KATNA1: variants seen among roughly 807,000 people sequenced by gnomAD.
KATNA1 encodes the protein katanin p60 ATPase-containing subunit A1.
Under a neutral mutation model 62.6 loss-of-function variants are expected in KATNA1, and 42 were observed. That is an observed-to-expected ratio of 0.67 (90% CI 0.52 to 0.87). The LOEUF (loss-of-function observed/expected upper bound fraction) is 0.87. Ranked by LOEUF, KATNA1 falls within the 40% of genes least tolerant of loss-of-function variation. The probability of loss-of-function intolerance (pLI) is 0.00; values close to 1 mark genes in which losing one functional copy is unlikely to be tolerated. For missense variants in KATNA1, 498 were observed against 612.5 expected (o/e 0.81, Z 1.97); for synonymous variants, 186 against 201.9 (o/e 0.92, Z 0.67).
At chr6:149,606,419 A>T (rs1323888734) in intron 4 of KATNA1, among the ~76,000 whole-genome samples, 1 of 152,110 alleles carries the variant, frequency 6.6e-6, no homozygotes, top group African/African-American at 2.4e-5. Flanking sequence ...CCCAATTCCC[A>T]TAACATTTTT....
chr6:149,621,623 G>A (rs1779400616), intron 4 of KATNA1, among the ~76,000 whole-genome samples: 1 of 151,890 alleles, frequency 6.6e-6, no homozygotes, highest in Non-Finnish European at 1.5e-5. Context: ...CTCCCCAGTA[G>A]CTGGGATTAT....
chr6:149,619,757 T>C (rs1461289315), intron 4 of KATNA1, among the ~76,000 whole-genome samples: 2 of 152,128 alleles, frequency 1.3e-5, no homozygotes, highest in Non-Finnish European at 2.9e-5. Context: ...TTAATGAACA[T>C]AGGAGTGCAG....
chr6:149,638,737 T>TTG, intron 1 of KATNA1, 177 bp from the exon 2 acceptor site: 2 of 425,222 alleles, frequency 4.7e-6, no homozygotes, highest in Admixed American at 4.0e-5. Context: ...ATTGTTTTTT[T>TTG]TTTTTTTTTT....
chr6:149,608,091 C>A (rs1476861838), intron 4 of KATNA1, among the ~76,000 whole-genome samples: 4 of 152,110 alleles, frequency 2.6e-5, no homozygotes, highest in Non-Finnish European at 5.9e-5. Flanking sequence ...AAAACTAGTT[C>A]TTTTAAAGCT....
Position 149,601,697 on chromosome 6 carries a change from A to G in KATNA1, c.785T>C (p.Val262Ala). Residue 262 changes from valine to alanine, a missense_variant, in exon 7 of 11, where the codon GTA becomes GCA. By Grantham distance (64) the Val-to-Ala change is moderately conservative. Transcript: ENST00000367411. ...GTGKTLLAKA[V>A]ATECKTTFFN... ...GAATGTTGTCTTGCATTCTGTAGCT[A>G]CTGCTTTAGCAAGGAGCGTCTTCCC... is the stretch of plus-strand genomic sequence containing the variant. 1.2e-6 allele frequency: 2 copies of G among 1,612,706 alleles called. No homozygotes were observed. The highest frequency in any genetic ancestry group is 1.7e-6 in the Non-Finnish European group (2 of 1,179,620).
intron 3 of KATNA1, among the ~76,000 whole-genome samples, chr6:149,632,372 TAAAAAAAAA>T (rs11441223): frequency 7.5e-6 from 1 of 133,576 alleles, no homozygotes; most frequent in Non-Finnish European, 1.6e-5. Flanking sequence ...AGACTCTGTC[TAAAAAAAAA>T]AAAAAGAAAA....
intron 1 of KATNA1, among the ~76,000 whole-genome samples, chr6:149,645,867 C>A (rs772919576): frequency 6.6e-6 from 1 of 151,552 alleles, no homozygotes; most frequent in African/African-American, 2.4e-5. Flanking sequence ...TGTCTCTCCA[C>A]AGAGAAAGTT....
At chr6:149,606,840 G>C (rs1335574037) in intron 4 of KATNA1, among the ~76,000 whole-genome samples, 1 of 152,044 alleles carries the variant, frequency 6.6e-6, no homozygotes, top group Non-Finnish European at 1.5e-5. Flanking sequence ...GGCTGGTCTT[G>C]AACTCCTGAC....
chr6:149,625,216 T>C (rs1025278720), intron 3 of KATNA1, among the ~76,000 whole-genome samples: 1 of 152,150 alleles, frequency 6.6e-6, no homozygotes, highest in Non-Finnish European at 1.5e-5. Context: ...CTGAACATGA[T>C]ATACTGATAA....
intron 4 of KATNA1, among the ~76,000 whole-genome samples, chr6:149,611,406 G>A (rs1778947418): frequency 1.4e-5 from 2 of 145,100 alleles, no homozygotes; most frequent in African/African-American, 5.1e-5. Flanking sequence ...AGGTTGCAGT[G>A]AGCTGAGATG....
chr6:149,628,819 C>CAAAA (rs1285574683), intron 3 of KATNA1, among the ~76,000 whole-genome samples: 1 of 92,800 alleles, frequency 1.1e-5, no homozygotes, highest in Non-Finnish European at 2.2e-5. Context: ...GACTCCATCT[C>CAAAA]AAAAAAAAAA....
chr6:149,617,178 T>G (rs1261835809), intron 4 of KATNA1, among the ~76,000 whole-genome samples: 1 of 152,286 alleles, frequency 6.6e-6, no homozygotes, highest in Admixed American at 6.5e-5. Context: ...ATGATGACTT[T>G]AATGGGTGTA....
intron 4 of KATNA1, among the ~76,000 whole-genome samples, chr6:149,614,296 G>C (rs1359195500): frequency 6.6e-6 from 1 of 152,164 alleles, no homozygotes; most frequent in Non-Finnish European, 1.5e-5. Flanking sequence ...GGCAGCTATG[G>C]TTGCACCCCT....
At chr6:149,633,422 A>C (rs1300066306) in intron 2 of KATNA1, among the ~76,000 whole-genome samples, 1 of 152,156 alleles carries the variant, frequency 6.6e-6, no homozygotes, top group East Asian at 1.9e-4. Context: ...TTGCAAAATT[A>C]ATTCTGATAA....
At chr6:149,624,971 G>T (rs974834512) in intron 3 of KATNA1, among the ~76,000 whole-genome samples, 1 of 150,966 alleles carries the variant, frequency 6.6e-6, no homozygotes, top group African/African-American at 2.4e-5. Flanking sequence ...TAAACAAGAG[G>T]GTACAATTAT....
chr6:149,644,008 A>C lies in KATNA1; in HGVS notation c.-14+4461T>G, dbSNP rs553011980. On this transcript the variant is annotated intron_variant, in intron 1 of 10. Coordinates refer to ENST00000367411, the MANE Select transcript of KATNA1 (RefSeq NM_007044.4). ...TGGCCAGGTTTTTGTTGTAACTACC[A>C]AGAGTTCGTAACCTTGTCCAGTTCC... is the stretch of plus-strand genomic sequence containing the variant. Among the ~76,000 whole-genome samples, 10 of 151,938 alleles carry C rather than the reference A, an allele frequency of 6.6e-5. 1 individual carries two copies. In the East Asian group the frequency reaches 1.6e-3, roughly 24 times the overall value.
intron 4 of KATNA1, among the ~76,000 whole-genome samples, chr6:149,613,290 C>G (rs940656406): frequency 6.7e-6 from 1 of 148,532 alleles, no homozygotes; most frequent in African/African-American, 2.5e-5. Context: ...TTCTTTCCTC[C>G]TAAAATCAGG....
chr6:149,594,879 G>C lies in KATNA1; in HGVS notation c.*157C>G. On this transcript the variant is annotated 3_prime_UTR_variant, in exon 11 of 11. Coordinates refer to ENST00000367411, the MANE Select transcript of KATNA1 (RefSeq NM_007044.4). ...AATGCTAAAGTAAAACAAATTTTCA[G>C]CTTAAAAATATTGCCTTTATTCAGA... 1.8e-6 allele frequency: 1 copy of C among 549,544 alleles called. No homozygotes were observed. Among genetic ancestry groups the C allele is most frequent in the Non-Finnish European group, 3.1e-6 (1 of 326,792 alleles). 34.0% of individuals were successfully genotyped at this position (549,544 alleles called of 1,614,324 possible). A position where few individuals can be genotyped will look rare whatever the true frequency, so the allele number is the denominator to read the frequency against.
chr6:149,626,234 CT>C (rs368044755), intron 3 of KATNA1, among the ~76,000 whole-genome samples: 1 of 147,342 alleles, frequency 6.8e-6, no homozygotes. Flanking sequence ...ATGTACAAAC[CT>C]TTTTTTGTCA....
Sources: allele counts gnomAD v4.1 joint callset (sites outside exome capture counted in the v4.1 genomes callset), GRCh38; gene constraint gnomAD v4.1.1; transcripts MANE v1.5; gene names NCBI Gene and HGNC (gene_info 2026-07-23, HGNC 2026-07-21).